The following ARIH2 variants were observed in gnomAD, a reference collection of about 807,000 sequenced individuals.
ARIH2 encodes E3 ubiquitin-protein ligase ARIH2.
Under a neutral mutation model 79.8 loss-of-function variants are expected in ARIH2, and 12 were observed. The observed-to-expected ratio is 0.15, with a 90% CI of 0.10 to 0.24. The LOEUF (loss-of-function observed/expected upper bound fraction) is 0.24, where lower values mean the gene tolerates loss of function less well. ARIH2 is among the 10% of genes least tolerant of loss of function. The probability of loss-of-function intolerance (pLI) is 1.00; values close to 1 mark genes in which losing one functional copy is unlikely to be tolerated. For missense variants in ARIH2, 301 were observed against 618.3 expected, an observed-to-expected ratio of 0.49 and a Z score of 5.44; for synonymous variants, 224 against 213.9, an observed-to-expected ratio of 1.05 and a Z score of -0.41.
At chr3:48,942,759 C>CTCCT (rs1333984390) in intron 3 of ARIH2, among the ~76,000 whole-genome samples, 2 of 151,048 alleles carry the variant, frequency 1.3e-5, no homozygotes, top group African/African-American at 4.9e-5. Flanking sequence ...TCAAGCCATT[C>CTCCT]TCCTGCCTCA....
At chr3:48,980,643 A>C (rs2107693862) in intron 13 of ARIH2, 147 bp downstream of exon 13, 1 of 905,918 alleles carries the variant, frequency 1.1e-6, no homozygotes, top group Non-Finnish European at 1.6e-6. Context: ...CCACATTTTC[A>C]TGTGCTGTGC....
chr3:48,955,338 T>G (rs2090456138), intron 3 of ARIH2, among the ~76,000 whole-genome samples: 1 of 152,204 alleles, frequency 6.6e-6, no homozygotes. Context: ...TAGTCTTTTT[T>G]TTTTTTTGGC....
rs2092840229 is a variant in ARIH2, at chr3:48,984,104, G to C, written c.*834G>C. 6.6e-6 allele frequency: 1 copy of C among 152,490 alleles called. No individual in the cohort carries two copies. The highest frequency in any genetic ancestry group is 2.4e-5 in the African/African-American group (1 of 41,452). The allele number at this position is 152,490 out of a possible 1,614,324, so 9.4% of individuals were successfully genotyped here. A position where few individuals can be genotyped will look rare whatever the true frequency, so the allele number is the denominator to read the frequency against. On this transcript the variant is annotated 3_prime_UTR_variant, in exon 16 of 16. Transcript: ENST00000356401. ...TGGGTTCATCACAGTGTTGCCTTTTGTCTCCTAAAGATAGGGATCTACTTT... is the reference window on the plus strand; with the variant it reads ...TGGGTTCATCACAGTGTTGCCTTTTCTCTCCTAAAGATAGGGATCTACTTT...
intron 13 of ARIH2, 93 bp downstream of exon 13, chr3:48,980,589 T>C: frequency 7.0e-7 from 1 of 1,431,876 alleles, no homozygotes; most frequent in Non-Finnish European, 9.5e-7. Flanking sequence ...TGAAAGAGGG[T>C]ATTTTAGCAC....
Position 48,984,087 on chromosome 3 carries a change from T to C in ARIH2, c.*817T>C, listed in dbSNP as rs2092839553. On this transcript the variant is annotated 3_prime_UTR_variant, in exon 16 of 16. Transcript: ENST00000356401. ...CCCCAAACTAGGGGGTGTGGGTTCA[T>C]CACAGTGTTGCCTTTTGTCTCCTAA... 6.6e-6 allele frequency: 1 copy of C among 152,422 alleles called. No individual in the cohort carries two copies. Among genetic ancestry groups the C allele is most frequent in the South Asian group, 2.1e-4 (1 of 4,830 alleles). The allele number at this position is 152,422 out of a possible 1,614,324, so 9.4% of individuals were successfully genotyped here. A position where few individuals can be genotyped will look rare whatever the true frequency, so the allele number is the denominator to read the frequency against.
At chr3:48,972,566 C>CCAGGGAGGCAGAGGCTG (rs2092296183) in intron 8 of ARIH2, among the ~76,000 whole-genome samples, 1 of 152,098 alleles carries the variant, frequency 6.6e-6, no homozygotes, top group Non-Finnish European at 1.5e-5. Flanking sequence ...ATCACTTGAA[C>CCAGGGAGGCAGAGGCTG]CAGGGAGGCA....
chr3:48,981,635 T>C, intron 13 of ARIH2, 25 bp from the exon 14 acceptor site: 1 of 1,597,374 alleles, frequency 6.3e-7, no homozygotes, highest in Non-Finnish European at 8.6e-7. Flanking sequence ...CAGACACAGG[T>C]TCCTTCTCTT....
rs1576566044 is a variant in ARIH2 at position 48,980,539 on chromosome 3, G to A, written c.1257+43G>A. The A allele has an allele frequency of 1.9e-6, 3 of 1,601,150 alleles. No individual in the cohort carries two copies. The East Asian group carries it at 6.7e-5, about 36-fold the overall frequency. The stretch of plus-strand genomic sequence containing the variant: ...CATCTTATCCCTGGTCCAGTGCCTG[G>A]CTCCGTCAGGCACAGACCTCTGATA... On this transcript the variant is annotated intron_variant, in intron 13 of 15. Transcript: ENST00000356401.
chr3:48,933,238 GTGTGTGTGTGTGTGTGT>G (rs2086628748), intron 3 of ARIH2, among the ~76,000 whole-genome samples: 7 of 3,458 alleles, frequency 2.0e-3, no homozygotes, highest in South Asian at 7.2e-3. Context: ...ATGCCCGGGT[GTGTGTGTGTGTGTGTGT>G]GTGTGTGTGT....
chr3:48,963,915 C>A (rs1445970955), intron 4 of ARIH2, among the ~76,000 whole-genome samples: 1 of 152,116 alleles, frequency 6.6e-6, no homozygotes, highest in Non-Finnish European at 1.5e-5. Flanking sequence ...TTTTGTTATT[C>A]CAAATGGATC....
intron 3 of ARIH2, among the ~76,000 whole-genome samples, chr3:48,959,043 G>C (rs148537543): frequency 6.6e-6 from 1 of 150,846 alleles, no homozygotes; most frequent in Non-Finnish European, 1.5e-5. Flanking sequence ...TAGGCCGAGC[G>C]CGGTGGCTCA....
At chr3:48,920,100 C>G (rs574876379) in intron 1 of ARIH2, among the ~76,000 whole-genome samples, 1 of 151,562 alleles carries the variant, frequency 6.6e-6, no homozygotes, top group South Asian at 2.1e-4. Flanking sequence ...CTTTCTTAGC[C>G]TCCTAAGTAG....
intron 4 of ARIH2, among the ~76,000 whole-genome samples, chr3:48,963,501 T>C (rs1055674627): frequency 2.6e-5 from 4 of 152,224 alleles, no homozygotes; most frequent in Non-Finnish European, 4.4e-5. Flanking sequence ...CTTGGAAATA[T>C]GTTGACCTGG....
chr3:48,928,981 A>G (rs1475950603), intron 3 of ARIH2, among the ~76,000 whole-genome samples: 1 of 152,194 alleles, frequency 6.6e-6, no homozygotes, highest in African/African-American at 2.4e-5. Context: ...CCCTGCCTCC[A>G]GAGGGCATTT....
At chr3:48,978,716 T>C (rs1312648760) in intron 11 of ARIH2, among the ~76,000 whole-genome samples, 1 of 151,632 alleles carries the variant, frequency 6.6e-6, no homozygotes, top group Non-Finnish European at 1.5e-5. Context: ...TCCCAGCACT[T>C]TGAGAGGCAG....
At chr3:48,968,298 C>G in intron 6 of ARIH2, 1 of 325,248 alleles carries the variant, frequency 3.1e-6, no homozygotes, top group Non-Finnish European at 6.1e-6. Flanking sequence ...AGCTCCGCCT[C>G]CCGGGTTCAC....
chr3:48,982,747 A>G (rs2092795272), intron 14 of ARIH2, 149 bp from the exon 15 acceptor site: 5 of 628,994 alleles, frequency 7.9e-6, no homozygotes, highest in Non-Finnish European at 1.4e-5. Flanking sequence ...GGCTCTGGGC[A>G]CAGGGAATAA....
chr3:48,933,315 G>GT (rs1417115917), intron 3 of ARIH2, among the ~76,000 whole-genome samples: 40 of 150,616 alleles, frequency 2.7e-4, no homozygotes, highest in African/African-American at 9.1e-4. Context: ...ACATGCCCGG[G>GT]GGTGTGTGTG....
At chr3:48,928,558 C>G (rs1333619557) in intron 3 of ARIH2, among the ~76,000 whole-genome samples, 1 of 152,122 alleles carries the variant, frequency 6.6e-6, no homozygotes, top group Non-Finnish European at 1.5e-5. Context: ...AGTGTTTTCA[C>G]TAATCTTTTT....
Sources: gnomAD v4.1 joint callset for allele counts (sites outside exome capture counted in the v4.1 genomes callset) on GRCh38, gnomAD v4.1.1 for gene constraint, MANE v1.5 for transcripts, NCBI Gene and HGNC (gene_info 2026-07-23, HGNC 2026-07-21) for gene names.